Variants in CSMD1 observed in about 807,000 individuals in gnomAD.
CSMD1 encodes the protein CUB and sushi domain-containing protein 1.
Under a neutral mutation model 417.5 loss-of-function variants are expected in CSMD1, and 213 were observed. The observed-to-expected ratio is 0.51, with a 90% CI of 0.46 to 0.57. CSMD1 has a LOEUF of 0.57. CSMD1 is among the 20% of genes least tolerant of loss of function. The pLI, the probability that CSMD1 is intolerant of heterozygous loss-of-function variation, is 0.00. For missense variants in CSMD1, 6,923 were observed against 4,529.7 expected, an observed-to-expected ratio of 1.53 and a Z score of -15.17; for synonymous variants, 2,862 against 1,736.8, an observed-to-expected ratio of 1.65 and a Z score of -16.11.
intron 40 of CSMD1, among the ~76,000 whole-genome samples, chr8:3,146,498 A>G (rs1245346603): frequency 6.6e-6 from 1 of 152,226 alleles, no homozygotes; most frequent in East Asian, 1.9e-4. Context: ...TTTAAAAATA[A>G]GGAAACAAGT....
chr8:4,152,075 A>G (rs1486717922), intron 3 of CSMD1, among the ~76,000 whole-genome samples: 2 of 152,148 alleles, frequency 1.3e-5, no homozygotes, highest in Non-Finnish European at 2.9e-5. Flanking sequence ...TTTATTAAGA[A>G]CTTTCCCAAA....
Position 2,978,676 on chromosome 8 carries a change from C to G in CSMD1, c.8502G>C (p.Leu2834=). 3 of 1,610,276 alleles carry G rather than the reference C, an allele frequency of 1.9e-6. No homozygotes were observed. Among genetic ancestry groups the G allele is most frequent in the Non-Finnish European group, 2.5e-6 (3 of 1,178,234 alleles). The change falls in exon 55 of 70, where the codon CTG becomes CTC. Residue 2834 remains leucine (L), a synonymous_variant. Transcript: ENST00000635120. ...CCATACAGGTCAAGGCTGAAGATCC[C>G]AGCAAGTAAAATCCCTTCTTGCAAT... ...LYHCKKGFYL[L]GSSALTCMAN...
At chr8:4,763,998 G>C (rs960126514) in intron 1 of CSMD1, among the ~76,000 whole-genome samples, 1 of 152,154 alleles carries the variant, frequency 6.6e-6, no homozygotes, top group African/African-American at 2.4e-5. Flanking sequence ...CCAACGTCTA[G>C]TTTTTCATTT....
At chr8:4,105,888 G>T (rs1801543028) in intron 3 of CSMD1, among the ~76,000 whole-genome samples, 1 of 152,218 alleles carries the variant, frequency 6.6e-6, no homozygotes, top group Non-Finnish European at 1.5e-5. Context: ...ACACAGCTCG[G>T]CTCTGTGCTG....
At chr8:4,749,825 G>T (rs35013512) in intron 1 of CSMD1, among the ~76,000 whole-genome samples, 7 of 151,880 alleles carry the variant, frequency 4.6e-5, no homozygotes, top group African/African-American at 1.7e-4. Flanking sequence ...AAGATGTTTT[G>T]CTGGTAATTT....
chr8:4,003,165 G>C (rs992734486), intron 4 of CSMD1, among the ~76,000 whole-genome samples: 2 of 152,188 alleles, frequency 1.3e-5, no homozygotes, highest in Non-Finnish European at 2.9e-5. Flanking sequence ...AGCCCTAGGA[G>C]GGTGGATCAC....
chr8:3,818,262 T>C (rs1801509931), intron 5 of CSMD1, among the ~76,000 whole-genome samples: 1 of 152,078 alleles, frequency 6.6e-6, no homozygotes, highest in Non-Finnish European at 1.5e-5. Context: ...GCACAGGTGC[T>C]TCACCCTCTC....
chr8:4,130,626 T>C (rs1226854775), intron 3 of CSMD1, among the ~76,000 whole-genome samples: 1 of 152,162 alleles, frequency 6.6e-6, no homozygotes, highest in Non-Finnish European at 1.5e-5. Flanking sequence ...TACCATTTAA[T>C]TTGTCCTTGT....
intron 26 of CSMD1, among the ~76,000 whole-genome samples, chr8:3,233,809 G>A (rs771120127): frequency 3.3e-5 from 5 of 152,172 alleles, no homozygotes; most frequent in Admixed American, 6.5e-5. Context: ...CACCCATCCA[G>A]AGGAGAGTCA....
chr8:4,244,771 A>C (rs1252565307), intron 3 of CSMD1, among the ~76,000 whole-genome samples: 6 of 152,156 alleles, frequency 3.9e-5, no homozygotes, highest in Non-Finnish European at 5.9e-5. Flanking sequence ...CTTAAAGAAA[A>C]AGAGAAGGGA....
chr8:2,977,074 A>G (rs543081499), intron 55 of CSMD1, among the ~76,000 whole-genome samples: 2 of 152,228 alleles, frequency 1.3e-5, no homozygotes, highest in African/African-American at 4.8e-5. Flanking sequence ...GAAAGAAAGA[A>G]AAAAAGATTT....
intron 49 of CSMD1, among the ~76,000 whole-genome samples, chr8:3,077,336 A>G (rs9792343): frequency 0.31 from 47,057 of 152,042 alleles, 7,462 homozygotes; most frequent in East Asian, 0.38. Flanking sequence ...CTGCCTGGGG[A>G]CTGAGCCCTG....
At chr8:4,396,846 A>T (rs150543436) in intron 3 of CSMD1, among the ~76,000 whole-genome samples, 21 of 152,112 alleles carry the variant, frequency 1.4e-4, no homozygotes, top group African/African-American at 4.6e-4. Context: ...ATGAAAAGGC[A>T]TAAGAATGAT....
At chr8:3,969,840 A>T (rs868725534) in intron 5 of CSMD1, among the ~76,000 whole-genome samples, 2 of 152,204 alleles carry the variant, frequency 1.3e-5, no homozygotes, top group Admixed American at 6.5e-5. Flanking sequence ...TGAAGTATCC[A>T]TCTATAAGTG....
intron 54 of CSMD1, among the ~76,000 whole-genome samples, chr8:2,987,788 T>C (rs1043092229): frequency 6.6e-6 from 1 of 151,984 alleles, no homozygotes; most frequent in Non-Finnish European, 1.5e-5. Context: ...GAGACTGGAG[T>C]CTCAGGGTCC....
chr8:4,324,251 T>G (rs1799426794), intron 3 of CSMD1, among the ~76,000 whole-genome samples: 1 of 152,198 alleles, frequency 6.6e-6, no homozygotes, highest in Non-Finnish European at 1.5e-5. Context: ...ACCAAGAATG[T>G]GAGTTCTGAG....
chr8:4,375,229 G>T (rs903122746), intron 3 of CSMD1, among the ~76,000 whole-genome samples: 1 of 152,052 alleles, frequency 6.6e-6, no homozygotes, highest in African/African-American at 2.4e-5. Context: ...TAGTTTGGAT[G>T]GTCTTAGAAT....
intron 12 of CSMD1, among the ~76,000 whole-genome samples, chr8:3,431,833 T>A (rs1241106685): frequency 6.6e-6 from 1 of 152,230 alleles, no homozygotes; most frequent in African/African-American, 2.4e-5. Context: ...TCCATACAAT[T>A]GTCATTTCCT....
chr8:3,522,838 T>C (rs1161125159), intron 10 of CSMD1, among the ~76,000 whole-genome samples: 1 of 150,686 alleles, frequency 6.6e-6, no homozygotes, highest in Non-Finnish European at 1.5e-5. Context: ...ATATAATTTG[T>C]TAGATATATA....
Sources: gnomAD v4.1 joint callset for allele counts (sites outside exome capture counted in the v4.1 genomes callset) on GRCh38, gnomAD v4.1.1 for gene constraint, MANE v1.5 for transcripts, NCBI Gene and HGNC (gene_info 2026-07-23, HGNC 2026-07-21) for gene names.